The following ZNF385D variants were observed in gnomAD, a reference collection of about 807,000 sequenced individuals.
ZNF385D encodes zinc finger protein 659.
Under a neutral mutation model 35.8 loss-of-function variants are expected in ZNF385D, and 15 were observed. That is an observed-to-expected ratio of 0.42 (90% confidence interval 0.28 to 0.64). ZNF385D has a LOEUF of 0.64. Ranked by LOEUF, ZNF385D falls within the 30% of genes least tolerant of loss-of-function variation. ZNF385D has a pLI of 0.23. For synonymous variants in ZNF385D, 212 were observed against 186.8 expected, an observed-to-expected ratio of 1.13 and a Z score of -1.10; for missense variants, 474 against 494.6, an observed-to-expected ratio of 0.96 and a Z score of 0.39.
chr3:21,846,459 T>A (rs1306907505), intron 3 of ZNF385D, among the ~76,000 whole-genome samples: 2 of 152,006 alleles, frequency 1.3e-5, no homozygotes, highest in Admixed American at 1.3e-4. Context: ...ATCTTTTCTA[T>A]GGTCTTGGAG....
intron 4 of ZNF385D, among the ~76,000 whole-genome samples, chr3:21,509,930 G>A (rs551404804): frequency 3.3e-5 from 5 of 152,158 alleles, no homozygotes; most frequent in East Asian, 1.9e-4. Context: ...TAAGGTTGTC[G>A]TAATCTATTC....
intron 3 of ZNF385D, among the ~76,000 whole-genome samples, chr3:21,903,874 T>C (rs1340464844): frequency 1.3e-5 from 2 of 152,202 alleles, no homozygotes; most frequent in Non-Finnish European, 2.9e-5. Flanking sequence ...AAATTTATCT[T>C]ACACTCAAAG....
At chr3:21,635,560 T>C (rs1259040439) in intron 2 of ZNF385D, among the ~76,000 whole-genome samples, 1 of 91,316 alleles carries the variant, frequency 1.1e-5, no homozygotes, top group African/African-American at 3.5e-5. Context: ...TGTTTGTTTG[T>C]TTTGTTGTTG....
At chr3:22,102,061 C>T (rs1276946043) in intron 3 of ZNF385D, among the ~76,000 whole-genome samples, 2 of 151,266 alleles carry the variant, frequency 1.3e-5, no homozygotes, top group African/African-American at 4.9e-5. Flanking sequence ...TAAAGTGTAG[C>T]CCTAATATAA....
At chr3:21,647,887 T>C (rs1160651484) in intron 2 of ZNF385D, among the ~76,000 whole-genome samples, 2 of 152,202 alleles carry the variant, frequency 1.3e-5, no homozygotes. Context: ...TGAATGTTAC[T>C]AAGAAAAATG....
intron 3 of ZNF385D, among the ~76,000 whole-genome samples, chr3:21,944,407 G>A (rs943518911): frequency 1.3e-5 from 2 of 152,172 alleles, no homozygotes; most frequent in Non-Finnish European, 2.9e-5. Flanking sequence ...CATAGGGGAT[G>A]ATTCAACTTT....
chr3:21,732,133 T>C (rs2069046266), intron 1 of ZNF385D, among the ~76,000 whole-genome samples: 1 of 137,934 alleles, frequency 7.2e-6, no homozygotes, highest in Non-Finnish European at 1.5e-5. Context: ...CACTGCAACC[T>C]CCGCCTCCCA....
chr3:21,511,787 G>C (rs1707230274), intron 3 of ZNF385D: 1 of 455,070 alleles, frequency 2.2e-6, no homozygotes, highest in Admixed American at 2.4e-5. Flanking sequence ...AGTTTAGAGT[G>C]ATATGCATTT....
At chr3:21,422,590 A>G (rs1000200977) in intron 7 of ZNF385D, among the ~76,000 whole-genome samples, 5 of 152,192 alleles carry the variant, frequency 3.3e-5, no homozygotes, top group African/African-American at 7.2e-5. Flanking sequence ...GCAAAACTCA[A>G]CAAAATACTG....
chr3:21,738,084 C>G (rs1309050434), intron 1 of ZNF385D, among the ~76,000 whole-genome samples: 1 of 152,272 alleles, frequency 6.6e-6, no homozygotes, highest in African/African-American at 2.4e-5. Flanking sequence ...TTTCCCTGAT[C>G]TCAGCCTCAG....
At chr3:21,784,529 A>G (rs963231820) in intron 3 of ZNF385D, among the ~76,000 whole-genome samples, 2 of 152,120 alleles carry the variant, frequency 1.3e-5, no homozygotes, top group African/African-American at 4.8e-5. Flanking sequence ...ATAGAGAAAA[A>G]TTATGCCTGA....
At chr3:21,941,127 C>G (rs625646) in intron 3 of ZNF385D, among the ~76,000 whole-genome samples, 116,978 of 152,138 alleles carry the variant, frequency 0.77, 45,486 homozygotes, top group East Asian at 0.98. Context: ...TATTAAATGA[C>G]TTGAGCACTA....
chr3:21,844,255 T>G (rs1329453270), intron 3 of ZNF385D, among the ~76,000 whole-genome samples: 1 of 152,018 alleles, frequency 6.6e-6, no homozygotes, highest in African/African-American at 2.4e-5. Context: ...TATTTTTTAT[T>G]GTGGTTTTGT....
intron 2 of ZNF385D, among the ~76,000 whole-genome samples, chr3:22,262,667 T>A (rs557340000): frequency 6.6e-6 from 1 of 151,940 alleles, no homozygotes. Flanking sequence ...AAAATATTGG[T>A]TCACTCAAGA....
At chr3:21,712,629 T>C (rs1181333285) in intron 1 of ZNF385D, among the ~76,000 whole-genome samples, 1 of 152,248 alleles carries the variant, frequency 6.6e-6, no homozygotes, top group Non-Finnish European at 1.5e-5. Context: ...TATTGATTTC[T>C]AATGTGGAAG....
intron 3 of ZNF385D, among the ~76,000 whole-genome samples, chr3:21,529,187 C>T (rs963645837): frequency 8.5e-5 from 13 of 152,068 alleles, no homozygotes; most frequent in African/African-American, 3.1e-4. Context: ...CCACCTGAAA[C>T]TAGAGATAGA....
At chr3:21,584,473 C>A (rs187896488) in intron 2 of ZNF385D, among the ~76,000 whole-genome samples, 60 of 152,190 alleles carry the variant, frequency 3.9e-4, no homozygotes, top group African/African-American at 1.4e-3. Flanking sequence ...CTTTTTTACA[C>A]TTGATCTTAG....
At chr3:22,277,885 A>C (rs1701511374) in intron 2 of ZNF385D, among the ~76,000 whole-genome samples, 1 of 152,076 alleles carries the variant, frequency 6.6e-6, no homozygotes, top group Non-Finnish European at 1.5e-5. Flanking sequence ...ATTAAGGCTT[A>C]GTGTGTTTAA....
At position 21,613,333 on chromosome 3, in the gene ZNF385D, G is replaced by A. The variant is rs142370408; in HGVS notation, c.166-48649C>T. ...AATGAGAAGATAGACAAAGAAAGAA[G>A]TCAGAAGATAAAAAAAAAAATGTCT... On this transcript the variant is annotated intron_variant, in intron 2 of 7. Transcript: ENST00000281523. Among the ~76,000 whole-genome samples, 5 of 138,152 alleles carry A rather than the reference G, an allele frequency of 3.6e-5. No homozygotes were observed. The East Asian group carries it at 1.1e-3, about 30-fold the overall frequency. 90.6% of individuals were successfully genotyped at this position (138,152 alleles called of 152,430 possible).
Sources: gnomAD v4.1 joint callset for allele counts (sites outside exome capture counted in the v4.1 genomes callset) on GRCh38, gnomAD v4.1.1 for gene constraint, MANE v1.5 for transcripts, NCBI Gene and HGNC (gene_info 2026-07-23, HGNC 2026-07-21) for gene names.